The following TNS1 variants were observed in gnomAD, a reference collection of about 807,000 sequenced individuals.
TNS1 encodes tensin 1.
TNS1 carries 62 observed loss-of-function variants against 168.6 expected under a neutral mutation model. That is an observed-to-expected ratio of 0.37 (90% CI 0.30 to 0.45). The LOEUF (loss-of-function observed/expected upper bound fraction) is 0.45. Ranked by LOEUF, TNS1 falls within the 20% of genes least tolerant of loss-of-function variation. The pLI, the probability that TNS1 is intolerant of heterozygous loss-of-function variation, is 1.00. For missense variants in TNS1, 2,240 were observed against 2,339.4 expected (o/e 0.96, Z 0.88); for synonymous variants, 934 against 933.2 (o/e 1.00, Z -0.02).
intron 19 of TNS1, among the ~76,000 whole-genome samples, chr2:217,844,830 C>T (rs895099000): frequency 6.6e-6 from 1 of 152,214 alleles, no homozygotes; most frequent in Non-Finnish European, 1.5e-5. Flanking sequence ...CATCTGAGAT[C>T]AGTCCAGCCA....
At chr2:217,891,429 G>C (rs1951735704) in intron 11 of TNS1, among the ~76,000 whole-genome samples, 1 of 152,180 alleles carries the variant, frequency 6.6e-6, no homozygotes. Flanking sequence ...GATGAAGTGA[G>C]GGAATATCCA....
At chr2:217,970,309 A>G (rs1241136012) in intron 3 of TNS1, among the ~76,000 whole-genome samples, 1 of 152,198 alleles carries the variant, frequency 6.6e-6, no homozygotes, top group African/African-American at 2.4e-5. Context: ...TAGAAAACCA[A>G]TATAAGCTAT....
chr2:217,822,396 C>G (rs962451411), intron 22 of TNS1, among the ~76,000 whole-genome samples: 26 of 152,180 alleles, frequency 1.7e-4, no homozygotes, highest in African/African-American at 6.3e-4. Flanking sequence ...AGCTCCACCC[C>G]CTGCCCAGAA....
At chr2:217,831,128 T>A in intron 22 of TNS1, among the ~76,000 whole-genome samples, 1 of 152,012 alleles carries the variant, frequency 6.6e-6, no homozygotes, top group Non-Finnish European at 1.5e-5. Context: ...TGTGCGCCCA[T>A]GTACGTGTAC....
At chr2:217,987,281 C>CA (rs1423050730) in intron 2 of TNS1, among the ~76,000 whole-genome samples, 3 of 152,196 alleles carry the variant, frequency 2.0e-5, no homozygotes, top group African/African-American at 7.2e-5. Context: ...AGCAGCCCCC[C>CA]AGAGACCCAG....
upstream of TNS1, among the ~76,000 whole-genome samples, chr2:218,011,461 T>C (rs1958705175): frequency 6.6e-6 from 1 of 152,072 alleles, no homozygotes; most frequent in South Asian, 2.1e-4. Context: ...GCGGAGGAGC[T>C]GCCAGGGGGC....
chr2:217,848,289 C>T lies in TNS1; in HGVS notation c.2228G>A (p.Arg743His), dbSNP rs199985548. 30 of 1,543,782 alleles carry T rather than the reference C, an allele frequency of 1.9e-5. No homozygotes were observed. The highest frequency in any genetic ancestry group is 1.6e-4 in the East Asian group (7 of 44,228). ...HYAHDPSGMFRSQSFSEAEPQ... is the reference protein window; with the variant it reads ...HYAHDPSGMFHSQSFSEAEPQ... ...TTCAGCTTCCGAAAAGGATTGAGAG[C>T]GGAACATACCGCTGGGGTCATGGGC... Residue 743 changes from arginine to histidine, a missense_variant, in exon 19 of 33, where the codon CGC becomes CAC. Physicochemically the swap from Arg to His is conservative, Grantham distance 29. Transcript: ENST00000682258.
chr2:217,871,176 G>T (rs1949740326), intron 18 of TNS1, among the ~76,000 whole-genome samples: 1 of 152,194 alleles, frequency 6.6e-6, no homozygotes, highest in Non-Finnish European at 1.5e-5. Flanking sequence ...CCCTCTCACA[G>T]TTGGGAAGTT....
chr2:217,903,964 A>T (rs1953341945), intron 6 of TNS1, among the ~76,000 whole-genome samples: 1 of 152,208 alleles, frequency 6.6e-6, no homozygotes, highest in Non-Finnish European at 1.5e-5. Context: ...GACCAAACAC[A>T]ACAGCTCAGG....
In TNS1 at chr2:217,948,248, TG is replaced by T. The variant is rs1957161029; in HGVS notation, c.187-28013del. Among the ~76,000 whole-genome samples the T allele has an allele frequency of 6.6e-6, 1 of 152,056 alleles. No individual in the cohort carries two copies. The highest frequency in any genetic ancestry group is 6.5e-5 in the Admixed American group (1 of 15,272). On this transcript the variant is annotated intron_variant, in intron 3 of 32. Coordinates refer to ENST00000682258, the MANE Select transcript of TNS1 (RefSeq NM_001387777.1). This position sits in a 1 kb window ranked among gnomAD's most constrained non-coding sequence, Gnocchi z 4.1. ...GTTCCCCAACTCTTCCTGTGATGGGTGGGAAGTGTTAGTCTCTGGGGCAATT... is the reference window on the plus strand; with the variant it reads ...GTTCCCCAACTCTTCCTGTGATGGGTGGAAGTGTTAGTCTCTGGGGCAATT...
chr2:217,955,382 G>A (rs912689408), intron 3 of TNS1, among the ~76,000 whole-genome samples: 2 of 152,222 alleles, frequency 1.3e-5, no homozygotes, highest in African/African-American at 2.4e-5. Flanking sequence ...AGGGAAGGAG[G>A]GGAAGGTCTG....
At chr2:217,851,749 C>A (rs1405147739) in intron 18 of TNS1, among the ~76,000 whole-genome samples, 1 of 152,234 alleles carries the variant, frequency 6.6e-6, no homozygotes, top group Non-Finnish European at 1.5e-5. Context: ...CTCTTCCAAC[C>A]CCCTATTATC....
intron 18 of TNS1, chr2:217,879,266 A>T: frequency 3.0e-6 from 1 of 335,760 alleles, no homozygotes; most frequent in Non-Finnish European, 5.9e-6. Context: ...ACCATGCACC[A>T]AGAAGAGATG....
At chr2:217,809,273 A>G (rs1222499445) in intron 30 of TNS1, among the ~76,000 whole-genome samples, 7 of 90,498 alleles carry the variant, frequency 7.7e-5, no homozygotes, top group Non-Finnish European at 1.4e-4. Flanking sequence ...GGATGGATGG[A>G]TGGATGCATG....
intron 1 of TNS1, among the ~76,000 whole-genome samples, chr2:217,998,214 C>A (rs983438695): frequency 3.8e-4 from 43 of 112,316 alleles, no homozygotes; most frequent in African/African-American, 1.3e-3. Flanking sequence ...GAGTTCTCTC[C>A]ATCAGTGTCT....
intron 8 of TNS1, among the ~76,000 whole-genome samples, chr2:217,896,483 A>T (rs530223948): frequency 6.6e-6 from 1 of 152,306 alleles, no homozygotes; most frequent in Admixed American, 6.5e-5. Context: ...AGATGGAGGT[A>T]GAGATTGGAG....
rs778017704 is a variant in TNS1, at chr2:217,886,562, G to A, written c.951C>T (p.His317=). The part of the protein sequence containing the change: ...KPLFLHHVIM[H]GIPNFESKGG... ...CTTTAGACTCAAAGTTGGGGATGCC[G>A]TGCATGATCACGTGGTGCAGAAACA... The change falls in exon 13 of 33, where the codon CAC becomes CAT. Residue 317 remains histidine (H), a synonymous_variant. Transcript: ENST00000682258. 1.0e-5 allele frequency: 16 copies of A among 1,604,262 alleles called. No homozygotes were observed. The highest frequency in any genetic ancestry group is 3.4e-5 in the South Asian group (3 of 88,316).
chr2:217,837,591 G>A (rs1306272820), intron 19 of TNS1, among the ~76,000 whole-genome samples: 1 of 152,252 alleles, frequency 6.6e-6, no homozygotes, highest in Non-Finnish European at 1.5e-5. Context: ...ATTAAATGCA[G>A]AAGGTACCGA....
At chr2:217,931,982 A>C (rs563867918) in intron 3 of TNS1, among the ~76,000 whole-genome samples, 151 of 152,292 alleles carry the variant, frequency 9.9e-4, no homozygotes, top group Admixed American at 4.4e-3. Context: ...AAAATGAGGA[A>C]CAGGGTGGAA....
Sources: allele counts gnomAD v4.1 joint callset (sites outside exome capture counted in the v4.1 genomes callset), GRCh38; gene constraint gnomAD v4.1.1; non-coding constraint Gnocchi (gnomAD v3.1); transcripts MANE v1.5; gene names NCBI Gene and HGNC (gene_info 2026-07-23, HGNC 2026-07-21).